Variants in PARD6G observed in about 807,000 individuals in gnomAD.
PARD6G encodes partitioning defective 6 homolog gamma.
Under a neutral mutation model 10.7 loss-of-function variants are expected in PARD6G, and 7 were observed. The observed-to-expected ratio is 0.66, with a 90% CI of 0.37 to 1.23. The LOEUF is 1.23. PARD6G is among the 50% of genes most tolerant of loss of function. The probability of loss-of-function intolerance (pLI) is 0.02; values close to 1 mark genes in which losing one functional copy is unlikely to be tolerated. For missense variants in PARD6G, 548 were observed against 571.8 expected, an observed-to-expected ratio of 0.96 and a Z score of 0.42; for synonymous variants, 287 against 269.4, an observed-to-expected ratio of 1.07 and a Z score of -0.64.
rs959949057 is a variant in PARD6G, at chr18:80,188,058, G to A, written c.295+14652C>T. 27 of 152,206 alleles carry A rather than the reference G, an allele frequency of 1.8e-4. No homozygotes were observed. The highest frequency in any genetic ancestry group is 6.0e-4 in the African/African-American group (25 of 41,448). 9.4% of individuals were successfully genotyped at this position (152,206 alleles called of 1,614,324 possible). A position where few individuals can be genotyped will look rare whatever the true frequency, so the allele number is the denominator to read the frequency against. On this transcript the variant is annotated intron_variant, in intron 2 of 2. Coordinates refer to ENST00000353265, the MANE Select transcript of PARD6G (RefSeq NM_032510.4). This position sits in a 1 kb window ranked among gnomAD's most constrained non-coding sequence, Gnocchi z 5.4. ...CTGACTGAAACGCTAAGTGGTGCGCGACCGTGCCCAACGGGAGGTGTTACG... is the reference window on the plus strand; with the variant it reads ...CTGACTGAAACGCTAAGTGGTGCGCAACCGTGCCCAACGGGAGGTGTTACG...
At chr18:80,240,532 G>A (rs1027758183) in intron 1 of PARD6G, among the ~76,000 whole-genome samples, 3 of 152,080 alleles carry the variant, frequency 2.0e-5, no homozygotes, top group African/African-American at 4.8e-5. Flanking sequence ...ATTGAGAAAC[G>A]CAGCTAGGGT....
chr18:80,233,162 T>C (rs1043082098), intron 1 of PARD6G, among the ~76,000 whole-genome samples: 1 of 152,236 alleles, frequency 6.6e-6, no homozygotes, highest in African/African-American at 2.4e-5. Flanking sequence ...CTCCTGTCCA[T>C]GCAGACACAC....
intron 2 of PARD6G, among the ~76,000 whole-genome samples, chr18:80,163,709 C>T (rs768887365): frequency 2.0e-4 from 31 of 152,212 alleles, no homozygotes; most frequent in African/African-American, 6.8e-4. Flanking sequence ...AAGGGCACAG[C>T]GGGCCGGGCC....
chr18:80,177,583 C>T (rs1367760988), intron 2 of PARD6G, among the ~76,000 whole-genome samples: 1 of 151,202 alleles, frequency 6.6e-6, no homozygotes, highest in Non-Finnish European at 1.5e-5. Context: ...GGAAAGCGCA[C>T]ACACACATGC....
At chr18:80,202,624 G>T (rs1967017874) in intron 2 of PARD6G, 86 bp downstream of exon 2, 2 of 1,168,656 alleles carry the variant, frequency 1.7e-6, no homozygotes, top group Admixed American at 2.0e-5. Flanking sequence ...GAACCACATA[G>T]TCCTGTAATG....
At chr18:80,165,497 A>G (rs2052729652) in intron 2 of PARD6G, among the ~76,000 whole-genome samples, 1 of 152,192 alleles carries the variant, frequency 6.6e-6, no homozygotes, top group Non-Finnish European at 1.5e-5. Context: ...CAGTTAACAA[A>G]ATTATCACAG....
chr18:80,208,001 C>T (rs1470132522), intron 1 of PARD6G, among the ~76,000 whole-genome samples: 3 of 151,918 alleles, frequency 2.0e-5, no homozygotes, highest in African/African-American at 7.3e-5. Flanking sequence ...TCTGTTTATC[C>T]TATTTTAAAA....
chr18:80,207,229 A>T (rs4798948), intron 1 of PARD6G, among the ~76,000 whole-genome samples: 1,790 of 58,488 alleles, frequency 0.031, 266 homozygotes, highest in Non-Finnish European at 0.06. Flanking sequence ...AAGATTCTTC[A>T]GATGTTTATT....
At chr18:80,160,826 A>G (rs2052695719) in intron 2 of PARD6G, among the ~76,000 whole-genome samples, 1 of 152,208 alleles carries the variant, frequency 6.6e-6, no homozygotes, top group Admixed American at 6.5e-5. Flanking sequence ...ACAGGCACCA[A>G]ACCAAAGAAC....
At position 80,200,993 on chromosome 18, in the gene PARD6G, T is replaced by A. The variant is rs369400299; in HGVS notation, c.295+1717A>T. Among the ~76,000 whole-genome samples, 15 of 152,238 alleles carry A rather than the reference T, an allele frequency of 9.9e-5. No homozygotes were observed. Among genetic ancestry groups the A allele is most frequent in the African/African-American group, 3.6e-4 (15 of 41,534 alleles). Reference sequence around the variant, plus strand: ...ACAAAGCCTGTGCGCACATCTGCAGTTTACACACCTTCTTCACACCATTGC... The same window carrying A: ...ACAAAGCCTGTGCGCACATCTGCAGATTACACACCTTCTTCACACCATTGC... On this transcript the variant is annotated intron_variant, in intron 2 of 2. Coordinates refer to ENST00000353265, the MANE Select transcript of PARD6G (RefSeq NM_032510.4). The surrounding 1 kb of genome is among the most constrained non-coding windows in gnomAD (Gnocchi z 4.4).
intron 1 of PARD6G, among the ~76,000 whole-genome samples, chr18:80,213,753 T>G (rs1411457756): frequency 1.3e-5 from 2 of 150,644 alleles, no homozygotes; most frequent in Non-Finnish European, 3.0e-5. Flanking sequence ...GGTCAGGAGA[T>G]CGAGACCATC....
chr18:80,215,464 G>A (rs1485089393), intron 1 of PARD6G, among the ~76,000 whole-genome samples: 3 of 152,150 alleles, frequency 2.0e-5, no homozygotes, highest in African/African-American at 7.2e-5. Context: ...ATATGAAAAT[G>A]TAATTTGTAT....
intron 2 of PARD6G, among the ~76,000 whole-genome samples, chr18:80,173,280 G>A (rs1027075930): frequency 6.6e-6 from 1 of 152,132 alleles, no homozygotes; most frequent in Non-Finnish European, 1.5e-5. Context: ...ACAAGACTCA[G>A]AACTACAAGG....
chr18:80,176,173 G>A (rs766818027), intron 2 of PARD6G, among the ~76,000 whole-genome samples: 1 of 152,164 alleles, frequency 6.6e-6, no homozygotes, highest in East Asian at 1.9e-4. Flanking sequence ...GAAAGTATCC[G>A]TGGTATAGAG....
chr18:80,201,454 G>A lies in PARD6G; in HGVS notation c.295+1256C>T, dbSNP rs539495103. 7.2e-5 allele frequency among the ~76,000 whole-genome samples: 11 copies of A among 152,298 alleles called. No individual in the cohort carries two copies. Among genetic ancestry groups the A allele is most frequent in the Admixed American group, 2.0e-4 (3 of 15,294 alleles). On this transcript the variant is annotated intron_variant, in intron 2 of 2. Transcript: ENST00000353265. This position sits in a 1 kb window ranked among gnomAD's most constrained non-coding sequence, Gnocchi z 5.9. ...GAGGGTCCTTGCCCCCAGCAACCCC[G>A]AAGGACTGATGTGGAAGCTGAAGCT...
intron 1 of PARD6G, among the ~76,000 whole-genome samples, chr18:80,222,781 C>T (rs1455858537): frequency 1.3e-5 from 2 of 152,262 alleles, no homozygotes; most frequent in East Asian, 3.9e-4. Flanking sequence ...TCAAGCAATC[C>T]TCTCACCTTA....
intron 1 of PARD6G, among the ~76,000 whole-genome samples, chr18:80,205,509 T>C (rs1967046677): frequency 6.6e-6 from 1 of 152,216 alleles, no homozygotes; most frequent in South Asian, 2.1e-4. Flanking sequence ...GGCAGAGCTC[T>C]TATGAATGGT....
Position 80,231,653 on chromosome 18 carries a change from TGTG to T in PARD6G, c.72+15621_72+15623del, listed in dbSNP as rs1347300329. On this transcript the variant is annotated intron_variant, in intron 1 of 2. Transcript: ENST00000353265. This position sits in a 1 kb window ranked among gnomAD's most constrained non-coding sequence, Gnocchi z 4.2. ...TAGATAAAAACATTCATCCCAGGGT[TGTG>T]GTGAGACTCTAATATGAACACATGT... 2.0e-5 allele frequency among the ~76,000 whole-genome samples: 3 copies of T among 152,146 alleles called. No homozygotes were observed. The highest frequency in any genetic ancestry group is 7.2e-5 in the African/African-American group (3 of 41,426).
In PARD6G at chr18:80,182,874, T is replaced by G; in HGVS notation, c.295+19836A>C. ...TTTTAAATCTGATGTTATAGTTTTA[T>G]TTCTTAGTTCTAGGTACAGGGCTAG... On this transcript the variant is annotated intron_variant, in intron 2 of 2. Coordinates refer to ENST00000353265, the MANE Select transcript of PARD6G (RefSeq NM_032510.4). The surrounding 1 kb of genome is among the most constrained non-coding windows in gnomAD (Gnocchi z 4.5). The G allele has an allele frequency of 2.1e-6, 1 of 478,722 alleles. No individual in the cohort carries two copies. Among genetic ancestry groups the G allele is most frequent in the Non-Finnish European group, 3.7e-6 (1 of 270,964 alleles). 29.7% of individuals were successfully genotyped at this position (478,722 alleles called of 1,614,324 possible). A position where few individuals can be genotyped will look rare whatever the true frequency, so the allele number is the denominator to read the frequency against.
Sources: allele counts gnomAD v4.1 joint callset (sites outside exome capture counted in the v4.1 genomes callset), GRCh38; gene constraint gnomAD v4.1.1; non-coding constraint Gnocchi (gnomAD v3.1); transcripts MANE v1.5; gene names NCBI Gene and HGNC (gene_info 2026-07-23, HGNC 2026-07-21).